Variants in PDE8B observed in about 807,000 individuals in gnomAD.
The protein encoded by PDE8B is phosphodiesterase 8B, also known as high affinity cAMP-specific and IBMX-insensitive 3',5'-cyclic phosphodiesterase 8B.
PDE8B carries 26 observed loss-of-function variants against 101.3 expected under a neutral mutation model. The ratio of observed to expected loss-of-function variants is 0.26; its 90% CI spans 0.19 to 0.36. The LOEUF (loss-of-function observed/expected upper bound fraction) is 0.36. Ranked by LOEUF, PDE8B falls within the 10% of genes least tolerant of loss-of-function variation. The probability of loss-of-function intolerance (pLI) is 1.00; values close to 1 mark genes in which losing one functional copy is unlikely to be tolerated. For missense variants in PDE8B, 810 were observed against 1,163.1 expected (o/e 0.70, Z 4.42); for synonymous variants, 424 against 429.3 (o/e 0.99, Z 0.15).
chr5:77,412,995 T>G, intron 16 of PDE8B, 116 bp from the exon 17 acceptor site: 2 of 850,908 alleles, frequency 2.4e-6, no homozygotes, highest in Admixed American at 3.5e-5. Context: ...TTTAAACCCC[T>G]GTGTGTGTGA....
At chr5:77,150,260 C>T in the PDE8B span, among the ~76,000 whole-genome samples, 6 of 152,142 alleles carry the variant, frequency 3.9e-5, no homozygotes, top group Non-Finnish European at 8.8e-5. Flanking sequence ...AGCCCTCAGT[C>T]GATGGGAACA....
chr5:77,419,751 C>A lies in PDE8B; in HGVS notation c.2130-16C>A. 1 of 1,613,648 alleles carries A rather than the reference C, an allele frequency of 6.2e-7. No individual in the cohort carries two copies. Among genetic ancestry groups the A allele is most frequent in the South Asian group, 1.1e-5 (1 of 90,976 alleles). On this transcript the variant is annotated splice_polypyrimidine_tract_variant and intron_variant, in intron 18 of 21. Transcript: ENST00000264917. ...ACACGCTGTGAACAAGCCCCTTTGT[C>A]TTGTGGTTATTTTAGGAACCATTAT... is the stretch of plus-strand genomic sequence containing the variant.
At chr5:77,413,063 C>G (rs576116320) in intron 16 of PDE8B, 48 bp from the exon 17 acceptor site, 2 of 1,487,150 alleles carry the variant, frequency 1.3e-6, no homozygotes, top group African/African-American at 2.8e-5. Context: ...AAAACAGTTT[C>G]TGGGCCAGTG....
chr5:77,271,584 G>A (rs1678640263), intron 1 of PDE8B, among the ~76,000 whole-genome samples: 1 of 152,164 alleles, frequency 6.6e-6, no homozygotes, highest in Admixed American at 6.5e-5. Flanking sequence ...TTAAGGCAGA[G>A]AAGAGGAGTA....
intron 1 of PDE8B, among the ~76,000 whole-genome samples, chr5:77,289,551 T>C (rs796333077): frequency 9.2e-5 from 14 of 152,364 alleles, no homozygotes; most frequent in African/African-American, 3.4e-4. Flanking sequence ...GAAGTGTCAC[T>C]GGTCTGGCAG....
At chr5:77,375,780 A>G (rs762338992) in intron 10 of PDE8B, among the ~76,000 whole-genome samples, 1 of 152,114 alleles carries the variant, frequency 6.6e-6, no homozygotes, top group Non-Finnish European at 1.5e-5. Flanking sequence ...TGCTCATGTC[A>G]CATGAGATAC....
At chr5:77,200,109 G>T in the PDE8B span, among the ~76,000 whole-genome samples, 1 of 146,624 alleles carries the variant, frequency 6.8e-6, no homozygotes, top group Non-Finnish European at 1.5e-5. Context: ...ATTTGAAGTG[G>T]GTGTGTGGGA....
intron 6 of PDE8B, among the ~76,000 whole-genome samples, chr5:77,337,693 C>T (rs1289721726): frequency 3.3e-5 from 5 of 152,094 alleles, no homozygotes; most frequent in Non-Finnish European, 2.9e-5. Flanking sequence ...AAACTAATGG[C>T]GATATTTATC....
At chr5:77,372,214 A>AACG (rs1785194804) in intron 10 of PDE8B, among the ~76,000 whole-genome samples, 1 of 151,850 alleles carries the variant, frequency 6.6e-6, no homozygotes, top group Non-Finnish European at 1.5e-5. Context: ...CAACAACAAC[A>AACG]ACAACAACAA....
rs1796295774 is a variant in PDE8B at position 77,419,953 on chromosome 5, C to A, written c.2250+66C>A. The stretch of plus-strand genomic sequence containing the variant: ...ATTTCCATAAGAGCCTGCTCTGGCC[C>A]TGAAGCATTTTCTCTCCCACTCAAA... On this transcript the variant is annotated intron_variant, in intron 19 of 21. Transcript: ENST00000264917. 7 of 1,578,466 alleles carry A rather than the reference C, an allele frequency of 4.4e-6. No individual in the cohort carries two copies. In the Admixed American group the frequency reaches 1.2e-4, roughly 26 times the overall value.
intron 2 of PDE8B, among the ~76,000 whole-genome samples, chr5:77,314,113 T>G (rs1037229357): frequency 2.0e-5 from 3 of 152,168 alleles, no homozygotes; most frequent in Non-Finnish European, 2.9e-5. Flanking sequence ...GGCTTTATTT[T>G]TATCTAGTTG....
intron 10 of PDE8B, 96 bp from the exon 11 acceptor site, chr5:77,400,152 T>C (rs926065680): frequency 4.1e-5 from 36 of 867,560 alleles, no homozygotes; most frequent in Admixed American, 6.9e-5. Flanking sequence ...TCTTCAAGTC[T>C]TCAGAGCTTT....
At chr5:77,180,570 C>A in the PDE8B span, 2 of 799,120 alleles carry the variant, frequency 2.5e-6, no homozygotes, top group Non-Finnish European at 3.0e-6. Flanking sequence ...AGCCCAGAGC[C>A]GGCTTCAGGG....
In PDE8B at chr5:77,270,437, A is replaced by G. The variant is rs114196939; in HGVS notation, c.340-41557A>G. Among the ~76,000 whole-genome samples the G allele has an allele frequency of 4.5e-4, 69 of 152,272 alleles. 1 individual carries two copies. The highest frequency in any genetic ancestry group is 1.6e-3 in the African/African-American group (65 of 41,564). ...TTTGACTACTTCCTTTTCAATTTGG[A>G]TGCCTTTTATTTCTTTCTCTTGTCT... On this transcript the variant is annotated intron_variant, in intron 1 of 21. Transcript: ENST00000264917.
chr5:77,108,697 T>C, the PDE8B span, among the ~76,000 whole-genome samples: 1 of 152,202 alleles, frequency 6.6e-6, no homozygotes, highest in African/African-American at 2.4e-5. Flanking sequence ...TATACATATA[T>C]ATAAATGCAA....
chr5:77,349,620 GT>G, intron 8 of PDE8B, 61 bp downstream of exon 8: 1 of 1,574,090 alleles, frequency 6.4e-7, no homozygotes, highest in Non-Finnish European at 8.7e-7. Flanking sequence ...TTTTTTCTGA[GT>G]TTTAGAATTT....
the PDE8B span, among the ~76,000 whole-genome samples, chr5:77,181,222 G>A: frequency 6.6e-6 from 1 of 152,218 alleles, no homozygotes; most frequent in South Asian, 2.1e-4. Flanking sequence ...GTGGAGCAAA[G>A]CAAAGGAAGA....
chr5:77,310,009 G>T (rs1772228936), intron 1 of PDE8B, among the ~76,000 whole-genome samples: 1 of 123,956 alleles, frequency 8.1e-6, no homozygotes, highest in South Asian at 2.8e-4. Flanking sequence ...GAGCGCAATG[G>T]CACGGTTTCG....
At chr5:77,102,654 T>C in the PDE8B span, among the ~76,000 whole-genome samples, 1 of 152,144 alleles carries the variant, frequency 6.6e-6, no homozygotes, top group Admixed American at 6.6e-5. Context: ...CACAGTGCCT[T>C]GTCTATGACG....
Sources: gnomAD v4.1 joint callset for allele counts (sites outside exome capture counted in the v4.1 genomes callset) on GRCh38, gnomAD v4.1.1 for gene constraint, MANE v1.5 for transcripts, NCBI Gene and HGNC (gene_info 2026-07-23, HGNC 2026-07-21) for gene names.